The following ATP9A variants were observed in gnomAD, a reference collection of about 807,000 sequenced individuals.
The protein encoded by ATP9A is ATPase phospholipid transporting 9A.
ATP9A carries 52 observed loss-of-function variants against 144.1 expected under a neutral mutation model. That is an observed-to-expected ratio of 0.36 (90% confidence interval 0.29 to 0.45). ATP9A has a LOEUF of 0.45. ATP9A is among the 20% of genes least tolerant of loss of function. The pLI, the probability that ATP9A is intolerant of heterozygous loss-of-function variation, is 1.00. For missense variants in ATP9A, 947 were observed against 1,392.7 expected, an observed-to-expected ratio of 0.68 and a Z score of 5.09; for synonymous variants, 582 against 557.4, an observed-to-expected ratio of 1.04 and a Z score of -0.62.
intron 4 of ATP9A, among the ~76,000 whole-genome samples, chr20:51,711,161 T>C (rs1052038166): frequency 1.3e-5 from 2 of 152,166 alleles, no homozygotes; most frequent in Non-Finnish European, 2.9e-5. Flanking sequence ...ATGTCCTAAA[T>C]ACAGTAGTTT....
At chr20:51,644,870 T>C (rs1405108250) in intron 14 of ATP9A, among the ~76,000 whole-genome samples, 1 of 152,176 alleles carries the variant, frequency 6.6e-6, no homozygotes, top group Non-Finnish European at 1.5e-5. Context: ...GAAAAGTCTG[T>C]GATACTGGGC....
chr20:51,746,780 A>G (rs905432693), intron 1 of ATP9A, among the ~76,000 whole-genome samples: 5 of 152,350 alleles, frequency 3.3e-5, no homozygotes, highest in Admixed American at 3.3e-4. Flanking sequence ...TGGAGGTTGC[A>G]GCGAGCCAAC....
At chr20:51,627,328 G>A (rs1445255237) in intron 17 of ATP9A, among the ~76,000 whole-genome samples, 1 of 152,220 alleles carries the variant, frequency 6.6e-6, no homozygotes, top group Admixed American at 6.5e-5. Context: ...AAGTGAGAAG[G>A]AGCCTTAGAC....
At chr20:51,680,661 G>A (rs754597359) in intron 9 of ATP9A, among the ~76,000 whole-genome samples, 2 of 152,016 alleles carry the variant, frequency 1.3e-5, no homozygotes, top group Non-Finnish European at 2.9e-5. Context: ...CCTGTTAACC[G>A]AGAGGCAAGA....
intron 15 of ATP9A, among the ~76,000 whole-genome samples, chr20:51,630,810 G>T (rs1304717407): frequency 6.6e-6 from 1 of 152,140 alleles, no homozygotes; most frequent in African/African-American, 2.4e-5. Context: ...CTTCACATAA[G>T]AACATGTCAA....
rs749813783 is a variant in ATP9A at position 51,618,688 on chromosome 20, C to A, written c.2324G>T (p.Arg775Leu). ...TACTGCACAGGTGAGCTTGCCCGTG[C>A]GCTCCTGAAGCAGGCGCACGATCTG... ...KAQIVRLLQERTGKLTCAVGD... is the reference protein window; with the variant it reads ...KAQIVRLLQELTGKLTCAVGD... Residue 775 changes from arginine (R) to leucine (L), a missense_variant, in exon 21 of 28, where the codon CGC (arginine) becomes CTC (leucine). By Grantham distance (102) the Arg-to-Leu change is moderately radical. Coordinates refer to ENST00000338821, the MANE Select transcript of ATP9A (RefSeq NM_006045.3). The A allele has an allele frequency of 1.2e-6, 2 of 1,612,996 alleles. No homozygotes were observed. Among genetic ancestry groups the A allele is most frequent in the East Asian group, 2.2e-5 (1 of 44,866 alleles).
At chr20:51,646,965 T>C (rs1321797209) in intron 14 of ATP9A, among the ~76,000 whole-genome samples, 1 of 151,022 alleles carries the variant, frequency 6.6e-6, no homozygotes, top group African/African-American at 2.4e-5. Flanking sequence ...TAAAAAAAAG[T>C]GCAAAAAATT....
At chr20:51,670,787 G>C (rs768917350) in intron 12 of ATP9A, among the ~76,000 whole-genome samples, 2 of 152,004 alleles carry the variant, frequency 1.3e-5, no homozygotes, top group Admixed American at 1.3e-4. Flanking sequence ...AGCTTGCTTC[G>C]GCTACTATGC....
intron 1 of ATP9A, among the ~76,000 whole-genome samples, chr20:51,737,426 T>G (rs1329649350): frequency 6.6e-6 from 1 of 152,218 alleles, no homozygotes; most frequent in Admixed American, 6.6e-5. Context: ...CTCTCCCTTA[T>G]GAATTATTTC....
chr20:51,649,038 G>C (rs770604691), intron 14 of ATP9A, among the ~76,000 whole-genome samples: 1 of 151,912 alleles, frequency 6.6e-6, no homozygotes, highest in Admixed American at 6.6e-5. Context: ...CACCAAGCTC[G>C]GAAGCTTCCC....
At chr20:51,752,096 G>A (rs576444926) in intron 1 of ATP9A, among the ~76,000 whole-genome samples, 8 of 152,210 alleles carry the variant, frequency 5.3e-5, no homozygotes, top group East Asian at 1.9e-4. Flanking sequence ...GCTACTCAGC[G>A]GTAGGTGGCT....
chr20:51,657,119 G>A lies in ATP9A; in HGVS notation c.1325C>T (p.Pro442Leu). The A allele has an allele frequency of 6.2e-7, 1 of 1,614,100 alleles. No homozygotes were observed. The highest frequency in any genetic ancestry group is 1.1e-5 in the South Asian group (1 of 91,074). The change falls in exon 14 of 28, where the codon CCA becomes CTA. Residue 442 changes from proline to leucine, a missense_variant. Coordinates refer to ENST00000338821, the MANE Select transcript of ATP9A (RefSeq NM_006045.3). ...QSQDPPAQKG[P>L]TLTTKVRRTM... ...CCGCCGGACCTTAGTGGTGAGCGTTGGGCCCTTCTGAGCCGGTGGGTCCTG... is the reference window on the plus strand; with the variant it reads ...CCGCCGGACCTTAGTGGTGAGCGTTAGGCCCTTCTGAGCCGGTGGGTCCTG...
chr20:51,623,018 G>C (rs994314420), intron 18 of ATP9A, among the ~76,000 whole-genome samples: 1 of 152,126 alleles, frequency 6.6e-6, no homozygotes, highest in Non-Finnish European at 1.5e-5. Context: ...AAATGGAAGC[G>C]CTAAGAGCTT....
chr20:51,673,026 T>G (rs917143278), intron 11 of ATP9A, among the ~76,000 whole-genome samples: 4 of 152,238 alleles, frequency 2.6e-5, no homozygotes, highest in African/African-American at 9.6e-5. Flanking sequence ...TTTATTCTTT[T>G]GCTAATACAG....
At chr20:51,661,197 T>G (rs1408295348) in intron 13 of ATP9A, among the ~76,000 whole-genome samples, 1 of 152,182 alleles carries the variant, frequency 6.6e-6, no homozygotes, top group Non-Finnish European at 1.5e-5. Context: ...CTAGGGCCAT[T>G]TCCTGACAAG....
intron 14 of ATP9A, among the ~76,000 whole-genome samples, chr20:51,649,740 C>A (rs1201116311): frequency 6.6e-6 from 1 of 151,976 alleles, no homozygotes; most frequent in Non-Finnish European, 1.5e-5. Flanking sequence ...CATGGTGAAA[C>A]CCTGTCTCTA....
chr20:51,713,841 G>A lies in ATP9A; in HGVS notation c.328-767C>T, dbSNP rs537697868. Among the ~76,000 whole-genome samples the A allele has an allele frequency of 1.9e-4, 29 of 152,252 alleles. 1 individual carries two copies. The South Asian group carries it at 5.8e-3, about 30-fold the overall frequency. On this transcript the variant is annotated intron_variant, in intron 3 of 27. Coordinates refer to ENST00000338821, the MANE Select transcript of ATP9A (RefSeq NM_006045.3). Reference sequence around the variant, plus strand: ...TAACTACAGGTTAGATTTCTCTGCCGGGAAGGAGACTAGAATTAGGATAGG... The same window carrying A: ...TAACTACAGGTTAGATTTCTCTGCCAGGAAGGAGACTAGAATTAGGATAGG...
intron 1 of ATP9A, among the ~76,000 whole-genome samples, chr20:51,748,930 G>GATAA (rs2077819566): frequency 2.8e-5 from 4 of 142,488 alleles, no homozygotes. Flanking sequence ...TAGATAGATA[G>GATAA]ATAGATAGAT....
intron 11 of ATP9A, among the ~76,000 whole-genome samples, chr20:51,672,824 C>T (rs2077461712): frequency 6.6e-6 from 1 of 152,058 alleles, no homozygotes; most frequent in South Asian, 2.1e-4. Context: ...CAGAGCAGCT[C>T]TAAAAAATGA....
Sources: allele counts gnomAD v4.1 joint callset (sites outside exome capture counted in the v4.1 genomes callset), GRCh38; gene constraint gnomAD v4.1.1; transcripts MANE v1.5; gene names NCBI Gene and HGNC (gene_info 2026-07-23, HGNC 2026-07-21).